The following UTRN variants were observed in gnomAD, a reference collection of about 807,000 sequenced individuals.
The protein encoded by UTRN is utrophin.
A neutral mutation model predicts 463.9 loss-of-function variants in UTRN; 283 were observed. The observed-to-expected ratio is 0.61, with a 90% CI of 0.55 to 0.67. The LOEUF (loss-of-function observed/expected upper bound fraction) is 0.67. Ranked by LOEUF, UTRN falls within the 30% of genes least tolerant of loss-of-function variation. The pLI is 0.00. For missense variants in UTRN, 3,922 were observed against 4,084.3 expected (o/e 0.96, Z 1.08); for synonymous variants, 1,442 against 1,431.5 (o/e 1.01, Z -0.17).
rs1022347515 is a variant in UTRN at position 144,851,656 on chromosome 6, G to A, written c.*659G>A. The A allele has an allele frequency of 6.6e-6, 1 of 152,048 alleles. No homozygotes were observed. Among genetic ancestry groups the A allele is most frequent in the Non-Finnish European group, 1.5e-5 (1 of 68,012 alleles). 9.4% of individuals were successfully genotyped at this position (152,048 alleles called of 1,614,324 possible). A position where few individuals can be genotyped will look rare whatever the true frequency, so the allele number is the denominator to read the frequency against. On this transcript the variant is annotated 3_prime_UTR_variant, in exon 75 of 75. Transcript: ENST00000367545. The stretch of plus-strand genomic sequence containing the variant: ...CTGTGTATGCCGTTTAACTTTATTT[G>A]ACGTTGCCCACTTACTTCTTTGCTG...
At chr6:144,466,853 T>C (rs553374048) in intron 23 of UTRN, among the ~76,000 whole-genome samples, 1 of 152,338 alleles carries the variant, frequency 6.6e-6, no homozygotes, top group East Asian at 1.9e-4. Flanking sequence ...CTGTCTTCTA[T>C]TTTCCAGCGC....
chr6:144,551,136 G>GTC, intron 48 of UTRN, 54 bp downstream of exon 48: 1 of 634,484 alleles, frequency 1.6e-6, no homozygotes, highest in Non-Finnish European at 2.5e-6. Context: ...TGCAAATGGT[G>GTC]ACACACACAC....
chr6:144,496,783 G>A (rs1368711221), intron 33 of UTRN, among the ~76,000 whole-genome samples: 1 of 152,178 alleles, frequency 6.6e-6, no homozygotes. Flanking sequence ...GGTAAAGGGG[G>A]GTTTCACCCA....
Position 144,730,460 on chromosome 6 carries a change from C to T in UTRN, c.7913C>T (p.Pro2638Leu). 6.2e-7 allele frequency: 1 copy of T among 1,609,012 alleles called. No homozygotes were observed. Among genetic ancestry groups the T allele is most frequent in the Non-Finnish European group, 8.5e-7 (1 of 1,177,410 alleles). Residue 2638 changes from proline to leucine, a missense_variant, in exon 54 of 75, where the codon CCA becomes CTA. Pro to Leu is a moderately conservative substitution (Grantham distance 98). Transcript: ENST00000367545. ...ADQPIEAPEEPRRNLQSKTEL... is the reference protein window; with the variant it reads ...ADQPIEAPEELRRNLQSKTEL... ...CAGCCAATTGAGGCCCCTGAAGAGC[C>T]AAGAAGAAACCTACAATCAAAAACA...
At chr6:144,409,877 G>T (rs549862009) in intron 3 of UTRN, among the ~76,000 whole-genome samples, 5 of 152,222 alleles carry the variant, frequency 3.3e-5, no homozygotes, top group Non-Finnish European at 7.3e-5. Context: ...ACAATTAAGT[G>T]TGCATGTATG....
intron 41 of UTRN, among the ~76,000 whole-genome samples, chr6:144,529,220 G>A (rs1386356230): frequency 2.0e-5 from 3 of 152,222 alleles, no homozygotes; most frequent in Non-Finnish European, 2.9e-5. Context: ...CAGGCAGCTG[G>A]TGAGCAGGGT....
intron 51 of UTRN, among the ~76,000 whole-genome samples, chr6:144,659,225 G>A (rs553535129): frequency 6.6e-6 from 1 of 152,200 alleles, no homozygotes; most frequent in African/African-American, 2.4e-5. Flanking sequence ...AAAAGATAGA[G>A]AACTGACTTT....
rs546018756 is a variant in UTRN, at chr6:144,851,224, G to C, written c.*227G>C. ...TATTGTTTTCTTCTTCCCTTTCTAT[G>C]CAAGTGTAAATTAATGAACAGAGAG... On this transcript the variant is annotated 3_prime_UTR_variant, in exon 75 of 75. Coordinates refer to ENST00000367545, the MANE Select transcript of UTRN (RefSeq NM_007124.3). The C allele has an allele frequency of 6.9e-6, 4 of 580,572 alleles. No homozygotes were observed. The South Asian group carries it at 9.0e-5, about 13-fold the overall frequency. The allele number at this position is 580,572 out of a possible 1,614,324, so 36.0% of individuals were successfully genotyped here.
At chr6:144,683,282 T>C (rs1782395757) in intron 52 of UTRN, among the ~76,000 whole-genome samples, 1 of 152,180 alleles carries the variant, frequency 6.6e-6, no homozygotes, top group African/African-American at 2.4e-5. Context: ...TGTCGTCAAG[T>C]GGACCGTATG....
At chr6:144,840,615 A>G (rs1173608961) in intron 72 of UTRN, 125 bp from the exon 73 acceptor site, 2 of 1,066,168 alleles carry the variant, frequency 1.9e-6, no homozygotes, top group Admixed American at 2.6e-5. Flanking sequence ...GTCCTTTGCA[A>G]TGGGAAATCT....
intron 2 of UTRN, among the ~76,000 whole-genome samples, chr6:144,357,134 G>C (rs774502492): frequency 1.3e-5 from 2 of 152,136 alleles, no homozygotes; most frequent in Admixed American, 6.5e-5. Flanking sequence ...GTTTGAGACT[G>C]TTGGAGCACA....
intron 72 of UTRN, among the ~76,000 whole-genome samples, chr6:144,839,939 A>G (rs1459832926): frequency 6.6e-6 from 1 of 152,204 alleles, no homozygotes; most frequent in Non-Finnish European, 1.5e-5. Context: ...CATTAACCAG[A>G]AAAAAATTAA....
At chr6:144,732,998 C>T (rs576803275) in intron 54 of UTRN, among the ~76,000 whole-genome samples, 1 of 152,114 alleles carries the variant, frequency 6.6e-6, no homozygotes, top group East Asian at 1.9e-4. Context: ...CCACCGTGCC[C>T]AGCCTAGCAT....
At chr6:144,451,525 C>T (rs371030425) in intron 18 of UTRN, 32 bp downstream of exon 18, 1 of 1,575,830 alleles carries the variant, frequency 6.3e-7, no homozygotes, top group African/African-American at 1.4e-5. Context: ...TATCCTAGTG[C>T]ATAAAATAGT....
intron 50 of UTRN, among the ~76,000 whole-genome samples, chr6:144,561,205 T>TTATATATATA (rs1162903466): frequency 1.2e-4 from 7 of 60,214 alleles, no homozygotes; most frequent in Non-Finnish European, 2.1e-4. Flanking sequence ...AAAAATAACA[T>TTATATATATA]TATATATATA....
intron 2 of UTRN, among the ~76,000 whole-genome samples, chr6:144,345,664 C>T (rs973770574): frequency 6.6e-6 from 1 of 152,090 alleles, no homozygotes; most frequent in Non-Finnish European, 1.5e-5. Context: ...CAGAGGGATA[C>T]CTTGTCTCAA....
intron 27 of UTRN, among the ~76,000 whole-genome samples, chr6:144,485,179 C>T (rs916038679): frequency 7.2e-5 from 11 of 152,130 alleles, no homozygotes; most frequent in African/African-American, 1.2e-4. Context: ...CTGCTTCAGC[C>T]TCCCAAAGTG....
chr6:144,663,603 A>T (rs1780100324), intron 51 of UTRN, among the ~76,000 whole-genome samples: 1 of 152,102 alleles, frequency 6.6e-6, no homozygotes. Flanking sequence ...ATTTATTCAG[A>T]CCTGCTACTG....
chr6:144,448,674 A>G lies in UTRN; in HGVS notation c.1977A>G (p.Arg659=). The change falls in exon 17 of 75, where the codon AGA becomes AGG. Residue 659 remains arginine, a synonymous_variant. Transcript: ENST00000367545. ...ACCTTTTGGAGACTGTTCGTGTAAG[A>G]GAACAAGCAATTACAAAAAAATCTA... ...QKDLLETVRV[R]EQAITKKSKQ... The G allele has an allele frequency of 6.2e-7, 1 of 1,614,098 alleles. No individual in the cohort carries two copies. The highest frequency in any genetic ancestry group is 8.5e-7 in the Non-Finnish European group (1 of 1,179,974).
Sources: gnomAD v4.1 joint callset for allele counts (sites outside exome capture counted in the v4.1 genomes callset) on GRCh38, gnomAD v4.1.1 for gene constraint, MANE v1.5 for transcripts, NCBI Gene and HGNC (gene_info 2026-07-23, HGNC 2026-07-21) for gene names.